The following HOMER1 variants were observed in gnomAD, a reference collection of about 807,000 sequenced individuals.
HOMER1 encodes homer protein homolog 1.
In HOMER1, 3 loss-of-function variants were observed where a neutral mutation model predicts 48.9. The observed-to-expected ratio is 0.06, with a 90% CI of 0.03 to 0.16. The LOEUF (loss-of-function observed/expected upper bound fraction) is 0.16, where lower values mean the gene tolerates loss of function less well. Ranked by LOEUF, HOMER1 falls within the 10% of genes least tolerant of loss-of-function variation. The pLI, the probability that HOMER1 is intolerant of heterozygous loss-of-function variation, is 1.00. For synonymous variants in HOMER1, 134 were observed against 146.4 expected (o/e 0.92, Z 0.61); for missense variants, 247 against 411.4 (o/e 0.60, Z 3.46).
chr5:79,377,215 C>T (rs1049346970), intron 8 of HOMER1, among the ~76,000 whole-genome samples: 12 of 152,202 alleles, frequency 7.9e-5, no homozygotes, highest in African/African-American at 2.7e-4. Flanking sequence ...ATCCACCCGC[C>T]TCGGCCTCCA....
At chr5:79,488,646 T>C (rs1752185814) in intron 1 of HOMER1, among the ~76,000 whole-genome samples, 2 of 152,210 alleles carry the variant, frequency 1.3e-5, no homozygotes, top group Admixed American at 6.5e-5. Flanking sequence ...ATCCTTCACA[T>C]AGGTAATAGA....
chr5:79,511,662 T>C (rs1752947651), intron 1 of HOMER1, among the ~76,000 whole-genome samples: 1 of 152,238 alleles, frequency 6.6e-6, no homozygotes, highest in Non-Finnish European at 1.5e-5. Context: ...TATAACTTTG[T>C]CATTAATTTC....
chr5:79,510,638 G>T, intron 1 of HOMER1: 3 of 914,864 alleles, frequency 3.3e-6, no homozygotes, highest in Non-Finnish European at 5.4e-6. Context: ...GAGTGCACAT[G>T]CCAAGGCTAT....
chr5:79,507,579 GA>G (rs1752814625), intron 1 of HOMER1, among the ~76,000 whole-genome samples: 1 of 151,708 alleles, frequency 6.6e-6, no homozygotes, highest in Admixed American at 6.6e-5. Context: ...AACTACATCA[GA>G]AAAAAATTAT....
intron 1 of HOMER1, among the ~76,000 whole-genome samples, chr5:79,482,837 AT>A (rs1191684192): frequency 3.3e-5 from 5 of 151,696 alleles, no homozygotes; most frequent in East Asian, 3.9e-4. Context: ...CTCTAAAAAA[AT>A]ATTAAAAAAA....
rs1238980096 is a variant in HOMER1 at position 79,379,146 on chromosome 5, TTATTTATATAAATA to T, written c.877-2963_877-2950del. On this transcript the variant is annotated intron_variant, in intron 8 of 8. Transcript: ENST00000334082. ...ATAAATATTTATTTATATATAAAAA[TTATTTATATAAATA>T]TATTTATATATTATATATATTTTTA... is the stretch of plus-strand genomic sequence containing the variant. 2.0e-4 allele frequency among the ~76,000 whole-genome samples: 21 copies of T among 107,526 alleles called. 1 individual carries two copies. Among genetic ancestry groups the T allele is most frequent in the African/African-American group, 7.1e-4 (20 of 27,998 alleles). The allele number at this position is 107,526 out of a possible 152,430, so 70.5% of individuals were successfully genotyped here.
At chr5:79,424,450 C>T (rs1750187735) in intron 5 of HOMER1, among the ~76,000 whole-genome samples, 1 of 151,970 alleles carries the variant, frequency 6.6e-6, no homozygotes, top group Non-Finnish European at 1.5e-5. Flanking sequence ...TCAAGTACAA[C>T]TGCATTATCT....
intron 1 of HOMER1, among the ~76,000 whole-genome samples, chr5:79,466,203 C>T (rs7711710): frequency 0.27 from 40,327 of 151,728 alleles, 5,482 homozygotes; most frequent in South Asian, 0.39. Context: ...TCAAGTATGC[C>T]TGATAGATCA....
chr5:79,463,348 G>A (rs1412395107), intron 1 of HOMER1, among the ~76,000 whole-genome samples: 1 of 152,214 alleles, frequency 6.6e-6, no homozygotes, highest in Non-Finnish European at 1.5e-5. Flanking sequence ...ACACATGTAA[G>A]AAGGAATATT....
At chr5:79,465,814 C>T (rs934981962) in intron 1 of HOMER1, among the ~76,000 whole-genome samples, 5 of 151,756 alleles carry the variant, frequency 3.3e-5, no homozygotes, top group African/African-American at 7.3e-5. Context: ...AGGATGGTCT[C>T]GATCTCCTGT....
At chr5:79,433,445 G>A (rs536975871) in intron 5 of HOMER1, among the ~76,000 whole-genome samples, 1 of 152,192 alleles carries the variant, frequency 6.6e-6, no homozygotes, top group East Asian at 1.9e-4. Context: ...ATGTAAGCCT[G>A]TAATCCCAGC....
rs143839505 is a variant in HOMER1 at position 79,474,721 on chromosome 5, T to TC, written c.6-17704dup. Among the ~76,000 whole-genome samples, 822 of 152,330 alleles carry TC rather than the reference T, an allele frequency of 5.4e-3. 23 individuals are homozygous for TC. In the East Asian group the frequency reaches 0.086, roughly 16 times the overall value. On this transcript the variant is annotated intron_variant, in intron 1 of 8. Coordinates refer to ENST00000334082, the MANE Select transcript of HOMER1 (RefSeq NM_004272.5). ...CTTTTCAACAATGTGTCTTCAACTA[T>TC]CCTGTTTTACCTTGTTCCTGATTTT...
At chr5:79,392,954 GGAGA>G (rs3082001) in intron 8 of HOMER1, among the ~76,000 whole-genome samples, 46,365 of 140,594 alleles carry the variant, frequency 0.33, 8,631 homozygotes, top group East Asian at 0.83. Flanking sequence ...GAAGGGAAAG[GGAGA>G]GAGAGAGAGA....
At chr5:79,475,450 A>G (rs77502343) in intron 1 of HOMER1, among the ~76,000 whole-genome samples, 9,474 of 118,222 alleles carry the variant, frequency 0.08, 694 homozygotes, top group East Asian at 0.27. Context: ...TTTTTTTTGC[A>G]CCTGCAAGAA....
chr5:79,461,047 A>AAAC (rs1389718657), intron 1 of HOMER1, among the ~76,000 whole-genome samples: 1 of 152,178 alleles, frequency 6.6e-6, no homozygotes, highest in African/African-American at 2.4e-5. Context: ...AGGAACTTAA[A>AAAC]AACACTTGTT....
At chr5:79,486,356 G>A (rs1166123699) in intron 1 of HOMER1, among the ~76,000 whole-genome samples, 1 of 152,106 alleles carries the variant, frequency 6.6e-6, no homozygotes, top group Non-Finnish European at 1.5e-5. Flanking sequence ...AATGTGCAAA[G>A]ATCTTGAGGC....
chr5:79,505,688 T>A (rs1580047765), intron 1 of HOMER1, among the ~76,000 whole-genome samples: 1 of 152,304 alleles, frequency 6.6e-6, no homozygotes, highest in East Asian at 1.9e-4. Context: ...TAAAGGTGAT[T>A]TTTTAAAAGG....
intron 1 of HOMER1, among the ~76,000 whole-genome samples, chr5:79,511,815 G>T (rs1561394010): frequency 6.6e-6 from 1 of 152,204 alleles, no homozygotes; most frequent in Non-Finnish European, 1.5e-5. Context: ...CCATCACGAT[G>T]AATTGCAGAG....
Position 79,398,160 on chromosome 5 carries a change from G to T in HOMER1, c.685-523C>A, listed in dbSNP as rs186932464. Among the ~76,000 whole-genome samples the T allele has an allele frequency of 3.9e-3, 593 of 152,196 alleles. 1 individual carries two copies. The highest frequency in any genetic ancestry group is 7.6e-3 in the Admixed American group (116 of 15,266). ...TCTCTTACGGGTAAGATAAAATTTT[G>T]TTAGTCAATAAGAATTTACTGGGGG... On this transcript the variant is annotated intron_variant, in intron 6 of 8. Transcript: ENST00000334082.
Sources: allele counts gnomAD v4.1 joint callset (sites outside exome capture counted in the v4.1 genomes callset), GRCh38; gene constraint gnomAD v4.1.1; transcripts MANE v1.5; gene names NCBI Gene and HGNC (gene_info 2026-07-23, HGNC 2026-07-21).